The following MIR2052HG variants were observed in gnomAD, a reference collection of about 807,000 sequenced individuals.
The protein encoded by MIR2052HG is MIR2052 host gene.
At chr8:74,657,123 C>T (rs1808815284) in intron 2 of MIR2052HG, among the ~76,000 whole-genome samples, 1 of 152,050 alleles carries the variant, frequency 6.6e-6, no homozygotes, top group Non-Finnish European at 1.5e-5. Flanking sequence ...CAGTGGTTAC[C>T]CTTTCTATGC....
At chr8:74,612,854 TC>T (rs927482467) in exon 2 of MIR2052HG, 1 of 456,090 alleles carries the variant, frequency 2.2e-6, no homozygotes, top group African/African-American at 2.0e-5. Flanking sequence ...TTTCTGCAGT[TC>T]CCGAGAGATC....
At chr8:74,698,774 C>A (rs1225302726) in intron 2 of MIR2052HG, among the ~76,000 whole-genome samples, 1 of 152,096 alleles carries the variant, frequency 6.6e-6, no homozygotes, top group Non-Finnish European at 1.5e-5. Flanking sequence ...CACACCAGTG[C>A]CTCTTAGGGG....
chr8:74,680,669 T>C (rs1202697906), intron 2 of MIR2052HG, among the ~76,000 whole-genome samples: 1 of 152,138 alleles, frequency 6.6e-6, no homozygotes, highest in Non-Finnish European at 1.5e-5. Flanking sequence ...TCCTCAGGGA[T>C]CTAGAACTAG....
chr8:74,621,427 A>C (rs2128732722), intron 2 of MIR2052HG, among the ~76,000 whole-genome samples: 1 of 152,278 alleles, frequency 6.6e-6, no homozygotes, highest in Non-Finnish European at 1.5e-5. Flanking sequence ...AGACTGGGTA[A>C]TTTTTAAAGG....
At chr8:74,755,171 T>C (rs1809986808) in intron 5 of MIR2052HG, among the ~76,000 whole-genome samples, 1 of 152,198 alleles carries the variant, frequency 6.6e-6, no homozygotes, top group Admixed American at 6.5e-5. Context: ...GCGATTGTCT[T>C]CCAAAATGGA....
chr8:74,754,947 T>C (rs1215625398), intron 5 of MIR2052HG, among the ~76,000 whole-genome samples: 1 of 152,222 alleles, frequency 6.6e-6, no homozygotes, highest in Non-Finnish European at 1.5e-5. Flanking sequence ...GGCTGTTCTT[T>C]ATTCTCATAA....
intron 1 of MIR2052HG, among the ~76,000 whole-genome samples, chr8:74,607,971 TG>T (rs1808136765): frequency 6.6e-6 from 1 of 152,208 alleles, no homozygotes; most frequent in South Asian, 2.1e-4. Flanking sequence ...CCTTATCTAT[TG>T]GGCAGTTGAA....
chr8:74,644,603 A>G (rs997383755), intron 2 of MIR2052HG, among the ~76,000 whole-genome samples: 2 of 152,082 alleles, frequency 1.3e-5, no homozygotes, highest in Admixed American at 6.6e-5. Flanking sequence ...TAGAAAAACC[A>G]CTTGTCACCG....
At position 74,664,258 on chromosome 8, in the gene MIR2052HG, C is replaced by T. The variant is rs2128737306; in HGVS notation, n.217-38121C>T. On this transcript the variant is annotated intron_variant and non_coding_transcript_variant, in intron 2 of 6. Coordinates refer to ENST00000523442, the Ensembl canonical transcript of MIR2052HG. Reference sequence around the variant, plus strand: ...CCATGTAACCAAAAACTGCATGTACCCCAAAAGGGATTGAAATTTAAAAAA... The same window carrying T: ...CCATGTAACCAAAAACTGCATGTACTCCAAAAGGGATTGAAATTTAAAAAA... 1.3e-5 allele frequency among the ~76,000 whole-genome samples: 2 copies of T among 151,276 alleles called. 1 individual carries two copies. Among genetic ancestry groups the T allele is most frequent in the South Asian group, 4.2e-4 (2 of 4,770 alleles).
chr8:74,720,143 C>A, intron 4 of MIR2052HG, among the ~76,000 whole-genome samples: 1 of 152,016 alleles, frequency 6.6e-6, no homozygotes, highest in African/African-American at 2.4e-5. Flanking sequence ...GCCACCACGC[C>A]CAGGCTTCAG....
intron 2 of MIR2052HG, among the ~76,000 whole-genome samples, chr8:74,677,910 A>G (rs1809072164): frequency 6.6e-6 from 1 of 152,178 alleles, no homozygotes; most frequent in African/African-American, 2.4e-5. Flanking sequence ...CTGATTGAGG[A>G]AAAAAGGAAA....
At chr8:74,602,876 T>TCTTTTCTTTC (rs1554570015) in intron 1 of MIR2052HG, among the ~76,000 whole-genome samples, 34 of 137,108 alleles carry the variant, frequency 2.5e-4, no homozygotes, top group Middle Eastern at 3.8e-3. Flanking sequence ...TTTCTTTCTT[T>TCTTTTCTTTC]TTTCTATTCA....
chr8:74,720,503 A>G (rs947180303), intron 4 of MIR2052HG, among the ~76,000 whole-genome samples: 1 of 152,182 alleles, frequency 6.6e-6, no homozygotes, highest in Non-Finnish European at 1.5e-5. Context: ...TATTTGTCAA[A>G]TGATCTGCCA....
At chr8:74,663,231 G>GA (rs1808886162) in intron 2 of MIR2052HG, among the ~76,000 whole-genome samples, 2 of 151,812 alleles carry the variant, frequency 1.3e-5, no homozygotes, top group South Asian at 4.2e-4. Context: ...TTGCCCAGGG[G>GA]AAAAAAAGAG....
rs192071313 is a variant in MIR2052HG, at chr8:74,617,286, C to T, written n.216+4346C>T. Among the ~76,000 whole-genome samples, 956 of 152,112 alleles carry T rather than the reference C, an allele frequency of 6.3e-3. 11 individuals carry two copies. Among genetic ancestry groups the T allele is most frequent in the Non-Finnish European group, 8.4e-3 (572 of 67,988 alleles). On this transcript the variant is annotated intron_variant and non_coding_transcript_variant, in intron 2 of 6. Coordinates refer to ENST00000523442, the Ensembl canonical transcript of MIR2052HG. ...GTCTCCAGTATTTATTATTCTGCTCCGTATGTCCATGTGTGCCCATCATTT... is the reference window on the plus strand; with the variant it reads ...GTCTCCAGTATTTATTATTCTGCTCTGTATGTCCATGTGTGCCCATCATTT...
chr8:74,701,649 C>A (rs1483162563), intron 2 of MIR2052HG, among the ~76,000 whole-genome samples: 1 of 152,068 alleles, frequency 6.6e-6, no homozygotes, highest in African/African-American at 2.4e-5. Context: ...TTTTCATTTT[C>A]TGAGCTATTT....
At chr8:74,743,261 G>C (rs1267900454) in intron 4 of MIR2052HG, among the ~76,000 whole-genome samples, 1 of 152,024 alleles carries the variant, frequency 6.6e-6, no homozygotes, top group African/African-American at 2.4e-5. Flanking sequence ...GGTGTTATAA[G>C]AAAATAAACA....
chr8:74,618,563 A>G (rs1039731419), intron 2 of MIR2052HG, among the ~76,000 whole-genome samples: 1 of 152,234 alleles, frequency 6.6e-6, no homozygotes, highest in Non-Finnish European at 1.5e-5. Context: ...ATCTCAATAG[A>G]TGCAGAATAA....
intron 1 of MIR2052HG, among the ~76,000 whole-genome samples, chr8:74,609,210 A>T (rs1415023221): frequency 6.6e-6 from 1 of 151,968 alleles, no homozygotes; most frequent in African/African-American, 2.4e-5. Flanking sequence ...GAAAAGAACA[A>T]ATACCGTGAA....
Sources: gnomAD v4.1 joint callset for allele counts (sites outside exome capture counted in the v4.1 genomes callset) on GRCh38, gnomAD v4.1.1 for gene constraint, MANE v1.5 for transcripts, NCBI Gene and HGNC (gene_info 2026-07-23, HGNC 2026-07-21) for gene names.